Variants in HUNK observed in about 807,000 individuals in gnomAD.
HUNK encodes the protein hormonally up-regulated neu tumor-associated kinase.
In HUNK, 21 loss-of-function variants were observed where a neutral mutation model predicts 61.0. That is an observed-to-expected ratio of 0.34 (90% confidence interval 0.24 to 0.50). The LOEUF (loss-of-function observed/expected upper bound fraction) is 0.50. Among genes scored for constraint, HUNK ranks in the 20% least tolerant of loss-of-function variants. The pLI is 0.98. For missense variants in HUNK, 772 were observed against 945.7 expected (o/e 0.82, Z 2.41); for synonymous variants, 371 against 386.1 (o/e 0.96, Z 0.46).
At chr21:31,925,078 T>C (rs2052650848) in intron 2 of HUNK, among the ~76,000 whole-genome samples, 1 of 152,158 alleles carries the variant, frequency 6.6e-6, no homozygotes, top group Non-Finnish European at 1.5e-5. Context: ...GTTGTATTTT[T>C]AGTAGAGACG....
intron 7 of HUNK, among the ~76,000 whole-genome samples, chr21:31,982,221 TCAGACC>T (rs2053102628): frequency 6.6e-6 from 1 of 152,220 alleles, no homozygotes; most frequent in Admixed American, 6.5e-5. Flanking sequence ...GTGTGGATTC[TCAGACC>T]AGTTGTGAGT....
chr21:31,979,566 C>T (rs1304655744), intron 7 of HUNK, among the ~76,000 whole-genome samples: 1 of 132,656 alleles, frequency 7.5e-6, no homozygotes, highest in African/African-American at 2.8e-5. Flanking sequence ...TGCTCTGTCA[C>T]CCAGGCTGGC....
In HUNK at chr21:32,003,430, G is replaced by C. The variant is rs1164260100; in HGVS notation, c.*4246G>C. On this transcript the variant is annotated 3_prime_UTR_variant, in exon 11 of 11. Transcript: ENST00000270112. ...TTAAATCAATAAAACATTTCCTATA[G>C]AGCCATATCATACACTGAAGCAAAT... The C allele has an allele frequency of 2.6e-5, 4 of 152,128 alleles. No individual in the cohort carries two copies. The highest frequency in any genetic ancestry group is 4.4e-5 in the Non-Finnish European group (3 of 68,038). The allele number at this position is 152,128 out of a possible 1,614,324, so 9.4% of individuals were successfully genotyped here.
At chr21:31,887,463 G>A (rs1030592482) in intron 1 of HUNK, among the ~76,000 whole-genome samples, 2 of 152,062 alleles carry the variant, frequency 1.3e-5, no homozygotes, top group African/African-American at 4.8e-5. Flanking sequence ...TGCTTCTCTT[G>A]CCCATTTTCT....
rs118018447 is a variant in HUNK at position 31,913,079 on chromosome 21, C to T, written c.262-11389C>T. Among the ~76,000 whole-genome samples the T allele has an allele frequency of 3.1e-3, 478 of 152,272 alleles. 1 individual carries two copies. Among genetic ancestry groups the T allele is most frequent in the Admixed American group, 5.1e-3 (78 of 15,286 alleles). ...CATTGATTCCCTCTTTCCCTTGCTC[C>T]CATGAGCCCAGCACTGTCCTAGGGT... On this transcript the variant is annotated intron_variant, in intron 1 of 10. Transcript: ENST00000270112.
chr21:31,998,618 A>G lies in HUNK; in HGVS notation c.1579A>G (p.Arg527Gly). The G allele has an allele frequency of 6.2e-6, 10 of 1,614,062 alleles. No homozygotes were observed. The highest frequency in any genetic ancestry group is 7.6e-6 in the Non-Finnish European group (9 of 1,180,002). The part of the protein sequence containing the change: ...SMEFIPVPPP[R>G]TPRIVKKPEP... ...GGAGTTCATCCCCGTGCCACCGCCC[A>G]GGACCCCGAGGATTGTGAAGAAACC... The change falls in exon 11 of 11, where the codon AGG (arginine) becomes GGG (glycine). Residue 527 changes from arginine (R) to glycine (G), a missense_variant. Physicochemically the swap from Arg to Gly is moderately radical, Grantham distance 125 (BLOSUM62 -2). Transcript: ENST00000270112.
intron 7 of HUNK, among the ~76,000 whole-genome samples, chr21:31,977,825 G>A (rs924820119): frequency 6.6e-6 from 1 of 152,230 alleles, no homozygotes; most frequent in African/African-American, 2.4e-5. Context: ...TACTCAGGAG[G>A]CTGAGGCAGG....
intron 1 of HUNK, among the ~76,000 whole-genome samples, chr21:31,912,662 C>T (rs2052554864): frequency 6.6e-6 from 1 of 152,126 alleles, no homozygotes; most frequent in South Asian, 2.1e-4. Context: ...CCACGTCAGC[C>T]TCTCAAGGAG....
Position 32,002,091 on chromosome 21 carries a change from C to A in HUNK, c.*2907C>A, listed in dbSNP as rs2053250050. 6.6e-6 allele frequency: 1 copy of A among 152,316 alleles called. No individual in the cohort carries two copies. Among genetic ancestry groups the A allele is most frequent in the South Asian group, 2.1e-4 (1 of 4,804 alleles). 9.4% of individuals were successfully genotyped at this position (152,316 alleles called of 1,614,324 possible). A position where few individuals can be genotyped will look rare whatever the true frequency, so the allele number is the denominator to read the frequency against. ...CAGGTACCATCTTTTATGTGAAGTT[C>A]TTTTTCTTTTTTTGAGACAGGGTCT... On this transcript the variant is annotated 3_prime_UTR_variant, in exon 11 of 11. Coordinates refer to ENST00000270112, the MANE Select transcript of HUNK (RefSeq NM_014586.2).
Position 31,924,786 on chromosome 21 carries a change from C to T in HUNK, c.554+26C>T. ...GTAAGGGCCAGGCCACGCTGGTGAT[C>T]GCTGACTGTGTGCTCCGTGGGTGGC... On this transcript the variant is annotated intron_variant, in intron 2 of 10. Coordinates refer to ENST00000270112, the MANE Select transcript of HUNK (RefSeq NM_014586.2). This position sits in a 1 kb window ranked among gnomAD's most constrained non-coding sequence, Gnocchi z 5.1. 6.4e-6 allele frequency: 10 copies of T among 1,563,560 alleles called. No individual in the cohort carries two copies. Among genetic ancestry groups the T allele is most frequent in the South Asian group, 2.4e-5 (2 of 81,848 alleles).
chr21:31,946,474 G>A (rs1253514219), intron 4 of HUNK, among the ~76,000 whole-genome samples: 3 of 152,082 alleles, frequency 2.0e-5, no homozygotes, highest in Non-Finnish European at 4.4e-5. Flanking sequence ...CCTGCCCTTA[G>A]CTTCCCATCG....
At chr21:31,972,310 T>C (rs1007316285) in intron 6 of HUNK, among the ~76,000 whole-genome samples, 12 of 152,196 alleles carry the variant, frequency 7.9e-5, no homozygotes, top group East Asian at 3.8e-4. Flanking sequence ...ATATCTAGTA[T>C]TCTGGAACAT....
intron 5 of HUNK, among the ~76,000 whole-genome samples, chr21:31,965,493 G>A (rs1317103318): frequency 6.6e-6 from 1 of 151,518 alleles, no homozygotes; most frequent in African/African-American, 2.4e-5. Flanking sequence ...TACGTTGCTG[G>A]AAAGTTTTAG....
intron 5 of HUNK, among the ~76,000 whole-genome samples, chr21:31,965,459 G>T (rs745784517): frequency 1.3e-5 from 2 of 151,674 alleles, no homozygotes; most frequent in African/African-American, 2.4e-5. Flanking sequence ...TAAAGTAAAA[G>T]TTAAAAAAAA....
chr21:31,881,975 T>G (rs1455048077), intron 1 of HUNK, among the ~76,000 whole-genome samples: 1 of 152,188 alleles, frequency 6.6e-6, no homozygotes, highest in Admixed American at 6.5e-5. Context: ...ATGGGTTTTT[T>G]CCTGAGAACT....
intron 7 of HUNK, among the ~76,000 whole-genome samples, chr21:31,982,913 C>G (rs1305492846): frequency 6.6e-6 from 1 of 152,184 alleles, no homozygotes; most frequent in Non-Finnish European, 1.5e-5. Context: ...AAGTGATTCT[C>G]CTTCCTCAGC....
intron 5 of HUNK, among the ~76,000 whole-genome samples, chr21:31,966,486 C>T (rs532841084): frequency 6.6e-6 from 1 of 152,244 alleles, no homozygotes; most frequent in East Asian, 1.9e-4. Flanking sequence ...GACCTGGTAA[C>T]CTCTTCAACA....
At chr21:31,904,511 A>G (rs1052823676) in intron 1 of HUNK, among the ~76,000 whole-genome samples, 1 of 152,220 alleles carries the variant, frequency 6.6e-6, no homozygotes, top group African/African-American at 2.4e-5. Context: ...GTATTTAGAA[A>G]GTCATAAGCT....
chr21:31,908,400 G>A (rs1180879180), intron 1 of HUNK, among the ~76,000 whole-genome samples: 1 of 152,096 alleles, frequency 6.6e-6, no homozygotes, highest in Non-Finnish European at 1.5e-5. Context: ...GGAGTGCTAG[G>A]GGCCTGTAAG....
Sources: allele counts gnomAD v4.1 joint callset (sites outside exome capture counted in the v4.1 genomes callset), GRCh38; gene constraint gnomAD v4.1.1; non-coding constraint Gnocchi (gnomAD v3.1); transcripts MANE v1.5; gene names NCBI Gene and HGNC (gene_info 2026-07-23, HGNC 2026-07-21).